The following MECOM variants were observed in gnomAD, a reference collection of about 807,000 sequenced individuals.
MECOM encodes MDS1 and EVI1 complex locus.
A neutral mutation model predicts 116.3 loss-of-function variants in MECOM; 13 were observed. That is an observed-to-expected ratio of 0.11 (90% CI 0.07 to 0.18). MECOM has a LOEUF of 0.18. Among genes scored for constraint, MECOM ranks in the 10% least tolerant of loss-of-function variants. The pLI, the probability that MECOM is intolerant of heterozygous loss-of-function variation, is 1.00. For synonymous variants in MECOM, 528 were observed against 535.2 expected (o/e 0.99, Z 0.19); for missense variants, 1,299 against 1,509.0 (o/e 0.86, Z 2.31).
In MECOM at chr3:169,284,498, T is replaced by C. The variant is rs560119792; in HGVS notation, c.375+96689A>G. 1.7e-4 allele frequency among the ~76,000 whole-genome samples: 26 copies of C among 152,140 alleles called. No homozygotes were observed. In the East Asian group the frequency reaches 3.3e-3, roughly 19 times the overall value. Reference sequence around the variant, plus strand: ...CCTTTAACAAATAATTAGGCCTCTCTCACAATCTTAAATTTCAAATAGGCC... The same window carrying C: ...CCTTTAACAAATAATTAGGCCTCTCCCACAATCTTAAATTTCAAATAGGCC... On this transcript the variant is annotated intron_variant, in intron 2 of 16. Transcript: ENST00000651503.
intron 1 of MECOM, among the ~76,000 whole-genome samples, chr3:169,609,517 A>G (rs1768997500): frequency 6.6e-6 from 1 of 152,000 alleles, no homozygotes; most frequent in Non-Finnish European, 1.5e-5. Context: ...ATTACATACC[A>G]AAGTCCAGAT....
intron 2 of MECOM, among the ~76,000 whole-genome samples, chr3:169,265,240 A>G (rs1758116949): frequency 6.6e-6 from 1 of 152,130 alleles, no homozygotes; most frequent in East Asian, 1.9e-4. Flanking sequence ...TGTTGTGGCT[A>G]ATATATAGAA....
chr3:169,427,854 A>C (rs912434862), intron 1 of MECOM, among the ~76,000 whole-genome samples: 6 of 152,218 alleles, frequency 3.9e-5, no homozygotes, highest in African/African-American at 1.4e-4. Context: ...GTGTCTCCTC[A>C]AATTCATATG....
chr3:169,102,320 T>C lies in MECOM; in HGVS notation c.2605-94A>G, dbSNP rs144599968. 4.0e-4 allele frequency: 474 copies of C among 1,176,714 alleles called. 2 individuals carry two copies. The African/African-American group carries it at 6.0e-3, about 15-fold the overall frequency. 72.9% of individuals were successfully genotyped at this position (1,176,714 alleles called of 1,614,324 possible). A position where few individuals can be genotyped will look rare whatever the true frequency, so the allele number is the denominator to read the frequency against. ...CAAGGACATCATTAAAAGGGAAGCA[T>C]GAAATCTGCGACGGGTTGTAGAAAG... On this transcript the variant is annotated intron_variant, in intron 10 of 16. Transcript: ENST00000651503.
intron 2 of MECOM, among the ~76,000 whole-genome samples, chr3:169,277,662 A>C (rs1418644463): frequency 6.6e-6 from 1 of 152,132 alleles, no homozygotes; most frequent in Non-Finnish European, 1.5e-5. Flanking sequence ...TCCTTTACAA[A>C]TGAAGCTTCC....
At chr3:169,143,871 G>A in intron 2 of MECOM, 39 bp from the exon 3 acceptor site, 1 of 1,535,054 alleles carries the variant, frequency 6.5e-7, no homozygotes, top group Non-Finnish European at 8.8e-7. Context: ...TTGCCATATT[G>A]GCCCACTCAT....
intron 1 of MECOM, among the ~76,000 whole-genome samples, chr3:169,489,314 T>C (rs1219877933): frequency 1.3e-5 from 2 of 152,146 alleles, no homozygotes; most frequent in East Asian, 3.8e-4. Context: ...CTAAAGAAAT[T>C]GTTCTAGAGA....
chr3:169,518,433 G>A (rs1756962694), intron 1 of MECOM, among the ~76,000 whole-genome samples: 1 of 151,952 alleles, frequency 6.6e-6, no homozygotes, highest in Admixed American at 6.6e-5. Context: ...TTTTTCCTGG[G>A]ATTATGAATC....
At chr3:169,441,455 C>A (rs2108613151) in intron 1 of MECOM, among the ~76,000 whole-genome samples, 1 of 152,146 alleles carries the variant, frequency 6.6e-6, no homozygotes, top group Admixed American at 6.5e-5. Context: ...AGCATATGTC[C>A]TTTTCACCAA....
intron 3 of MECOM, among the ~76,000 whole-genome samples, chr3:169,141,616 T>C (rs1300301337): frequency 6.6e-6 from 1 of 152,050 alleles, no homozygotes; most frequent in Non-Finnish European, 1.5e-5. Context: ...AATTGGATTT[T>C]AGAATATTCA....
chr3:169,213,527 G>T (rs1043674659), intron 2 of MECOM, among the ~76,000 whole-genome samples: 2 of 151,842 alleles, frequency 1.3e-5, no homozygotes, highest in Non-Finnish European at 2.9e-5. Flanking sequence ...TGTTATGGGG[G>T]CCCATTTTCA....
At chr3:169,214,267 AAACTAAACTAAAAG>A (rs1751144366) in intron 2 of MECOM, among the ~76,000 whole-genome samples, 1 of 152,126 alleles carries the variant, frequency 6.6e-6, no homozygotes, top group Non-Finnish European at 1.5e-5. Flanking sequence ...AAAGAGAACT[AAACTAAACTAAAAG>A]AACTAAACTA....
chr3:169,146,824 A>T, intron 2 of MECOM: 1 of 1,089,370 alleles, frequency 9.2e-7, no homozygotes, highest in Non-Finnish European at 1.1e-6. Flanking sequence ...TCCTGCACGA[A>T]AATCCTTTCA....
chr3:169,220,953 GA>G (rs1177653915), intron 2 of MECOM, among the ~76,000 whole-genome samples: 6 of 152,170 alleles, frequency 3.9e-5, no homozygotes, highest in African/African-American at 1.4e-4. Context: ...ATAAAGGAAG[GA>G]AGGAAAGTAG....
chr3:169,553,393 T>C (rs1761636954), intron 1 of MECOM, among the ~76,000 whole-genome samples: 2 of 152,204 alleles, frequency 1.3e-5, no homozygotes, highest in African/African-American at 2.4e-5. Flanking sequence ...TGCTTTAGTA[T>C]CTGCTAAAAC....
chr3:169,437,363 C>T (rs1441028600), intron 1 of MECOM, among the ~76,000 whole-genome samples: 1 of 152,134 alleles, frequency 6.6e-6, no homozygotes. Flanking sequence ...AGTTTCTATA[C>T]AGGAAGGTTT....
intron 1 of MECOM, among the ~76,000 whole-genome samples, chr3:169,584,002 C>A (rs1765435612): frequency 6.6e-6 from 1 of 152,128 alleles, no homozygotes; most frequent in Admixed American, 6.5e-5. Context: ...TCACAACTGG[C>A]CAAATCCTGG....
chr3:169,293,253 C>T (rs1018605640), intron 2 of MECOM, among the ~76,000 whole-genome samples: 1 of 152,112 alleles, frequency 6.6e-6, no homozygotes, highest in Non-Finnish European at 1.5e-5. Context: ...CATGGTTTCA[C>T]GCTCACCCCA....
Position 169,261,745 on chromosome 3 carries a change from AAAG to A in MECOM, c.376-117916_376-117914del, listed in dbSNP as rs10662806. ...AAGGAGAAGGAGAAGGAGAAGGAGA[AAAG>A]AAGAAGAAGAAGAGGAAGAAGAAGA... On this transcript the variant is annotated intron_variant, in intron 2 of 16. Coordinates refer to ENST00000651503, the MANE Select transcript of MECOM (RefSeq NM_004991.4). Among the ~76,000 whole-genome samples the A allele has an allele frequency of 6.1e-3, 913 of 150,348 alleles. 9 individuals are homozygous for A. The highest frequency in any genetic ancestry group is 0.01 in the Non-Finnish European group (695 of 67,842).
Sources: gnomAD v4.1 joint callset for allele counts (sites outside exome capture counted in the v4.1 genomes callset) on GRCh38, gnomAD v4.1.1 for gene constraint, MANE v1.5 for transcripts, NCBI Gene and HGNC (gene_info 2026-07-23, HGNC 2026-07-21) for gene names.